Variants in LRP1B observed in about 807,000 individuals in gnomAD.
LRP1B encodes low-density lipoprotein receptor-related protein 1B.
In LRP1B, 217 loss-of-function variants were observed where a neutral mutation model predicts 556.6. That is an observed-to-expected ratio of 0.39 (90% CI 0.35 to 0.44). The LOEUF (loss-of-function observed/expected upper bound fraction) is 0.44. LRP1B is among the 20% of genes least tolerant of loss of function. The pLI, the probability that LRP1B is intolerant of heterozygous loss-of-function variation, is 1.00. For missense variants in LRP1B, 5,053 were observed against 5,620.8 expected, an observed-to-expected ratio of 0.90 and a Z score of 3.23; for synonymous variants, 2,047 against 1,865.8, an observed-to-expected ratio of 1.10 and a Z score of -2.50.
At chr2:140,629,223 C>CT (rs111850159) in intron 41 of LRP1B, among the ~76,000 whole-genome samples, 3,487 of 133,746 alleles carry the variant, frequency 0.026, 66 homozygotes, top group South Asian at 0.032. Flanking sequence ...CCAGCTAATT[C>CT]TTTTTTTTTT....
At chr2:141,742,271 A>G (rs1395781758) in intron 2 of LRP1B, among the ~76,000 whole-genome samples, 5 of 110,620 alleles carry the variant, frequency 4.5e-5, no homozygotes, top group Admixed American at 4.3e-4. Flanking sequence ...TTTTTTTTTG[A>G]GAAGGAGTCT....
At chr2:140,553,801 T>A (rs537038118) in intron 43 of LRP1B, among the ~76,000 whole-genome samples, 20 of 152,180 alleles carry the variant, frequency 1.3e-4, no homozygotes, top group African/African-American at 4.6e-4. Context: ...CTGGAGAGGT[T>A]TTCAGAAGCC....
At position 141,701,016 on chromosome 2, in the gene LRP1B, C is replaced by A. The variant is rs139753951; in HGVS notation, c.205+109263G>T. Among the ~76,000 whole-genome samples, 35 of 151,750 alleles carry A rather than the reference C, an allele frequency of 2.3e-4. 1 individual carries two copies. In the East Asian group the frequency reaches 6.4e-3, roughly 28 times the overall value. On this transcript the variant is annotated intron_variant, in intron 2 of 90. Coordinates refer to ENST00000389484, the MANE Select transcript of LRP1B (RefSeq NM_018557.3). ...TTCTCAAATTTCTTAGAATCTAATTCTCCTCTTTGTTTCCTGATTGGCATC... is the reference window on the plus strand; with the variant it reads ...TTCTCAAATTTCTTAGAATCTAATTATCCTCTTTGTTTCCTGATTGGCATC...
rs1393378745 is a variant in LRP1B at position 140,598,764 on chromosome 2, G to C, written c.7061C>G (p.Ala2354Gly). 6.2e-7 allele frequency: 1 copy of C among 1,612,790 alleles called. No individual in the cohort carries two copies. The highest frequency in any genetic ancestry group is 8.5e-7 in the Non-Finnish European group (1 of 1,178,954). ...IMRSTLTGKN[A>G]QVVVSTDILT... ...TATGTCTGTACTGACCACCACTTGA[G>C]CATTTTTCCCAGTCAGAGTAGATCT... The change falls in exon 43 of 91, where the codon GCT becomes GGT. Residue 2354 changes from alanine (A) to glycine (G), a missense_variant. Ala to Gly is a moderately conservative substitution (Grantham distance 60, BLOSUM62 0). Around this residue, in one of 5 missense-constraint regions of LRP1B, gnomAD observed 3,619 missense variants for 3,931.9 expected, o/e 0.92. Transcript: ENST00000389484.
chr2:140,378,643 TTAAG>T (rs567820401), intron 67 of LRP1B, among the ~76,000 whole-genome samples: 4 of 152,194 alleles, frequency 2.6e-5, no homozygotes, highest in Admixed American at 2.0e-4. Context: ...TGTATTTACT[TTAAG>T]TAAGTATGAC....
intron 71 of LRP1B, among the ~76,000 whole-genome samples, chr2:140,370,190 G>A (rs1294783023): frequency 1.3e-5 from 2 of 151,894 alleles, no homozygotes; most frequent in African/African-American, 2.4e-5. Flanking sequence ...CTTTTAGACT[G>A]ACAAAAAAAT....
intron 3 of LRP1B, among the ~76,000 whole-genome samples, chr2:141,360,595 G>T (rs1377771377): frequency 6.6e-6 from 1 of 152,134 alleles, no homozygotes; most frequent in Non-Finnish European, 1.5e-5. Context: ...TGTAAAGGTG[G>T]TGTAACTGAA....
At chr2:141,772,261 C>T (rs569585754) in intron 2 of LRP1B, among the ~76,000 whole-genome samples, 1 of 152,118 alleles carries the variant, frequency 6.6e-6, no homozygotes, top group Non-Finnish European at 1.5e-5. Flanking sequence ...GTTTAAGCCA[C>T]CCAACCTATG....
intron 63 of LRP1B, 22 bp from the exon 64 acceptor site, chr2:140,444,701 T>C: frequency 4.1e-6 from 6 of 1,458,866 alleles, no homozygotes; most frequent in South Asian, 1.1e-5. Context: ...AGCATAGATA[T>C]TGTGGAATGG....
intron 1 of LRP1B, among the ~76,000 whole-genome samples, chr2:141,914,211 AC>A (rs1423623348): frequency 5.3e-5 from 8 of 152,350 alleles, no homozygotes; most frequent in African/African-American, 1.9e-4. Flanking sequence ...TACTATGCAA[AC>A]CTAAATTAAT....
chr2:141,866,826 TAGA>T (rs1049978131), intron 1 of LRP1B, among the ~76,000 whole-genome samples: 12 of 136,646 alleles, frequency 8.8e-5, no homozygotes, highest in Admixed American at 3.0e-4. Flanking sequence ...GGAGAGAAAA[TAGA>T]AGGAGAGAGG....
At chr2:140,888,692 G>A (rs574471959) in intron 23 of LRP1B, among the ~76,000 whole-genome samples, 3 of 152,062 alleles carry the variant, frequency 2.0e-5, no homozygotes, top group South Asian at 4.2e-4. Context: ...GGACAGGTGC[G>A]GTGGCTCGTG....
intron 1 of LRP1B, among the ~76,000 whole-genome samples, chr2:142,015,623 C>T (rs991212895): frequency 6.6e-6 from 1 of 152,092 alleles, no homozygotes; most frequent in African/African-American, 2.4e-5. Flanking sequence ...GCAATCTACT[C>T]ATCTGACAAA....
chr2:140,318,274 T>C (rs562156444), intron 82 of LRP1B, among the ~76,000 whole-genome samples: 1 of 152,164 alleles, frequency 6.6e-6, no homozygotes, highest in Non-Finnish European at 1.5e-5. Context: ...TTTCAAGACC[T>C]ATATGTGTAA....
At chr2:141,076,766 T>C (rs1699797359) in intron 7 of LRP1B, among the ~76,000 whole-genome samples, 1 of 152,212 alleles carries the variant, frequency 6.6e-6, no homozygotes, top group African/African-American at 2.4e-5. Flanking sequence ...AACAGGGAAT[T>C]CTAAAGCACC....
intron 2 of LRP1B, among the ~76,000 whole-genome samples, chr2:141,734,352 C>A (rs888150862): frequency 3.9e-5 from 6 of 151,968 alleles, no homozygotes; most frequent in African/African-American, 1.4e-4. Flanking sequence ...TGTTCAGATT[C>A]ATGATTCTGT....
intron 10 of LRP1B, among the ~76,000 whole-genome samples, chr2:141,050,664 A>G (rs1699010136): frequency 6.6e-6 from 1 of 152,108 alleles, no homozygotes; most frequent in Non-Finnish European, 1.5e-5. Context: ...AATGTAAACC[A>G]AAACCATAAA....
At chr2:141,209,647 C>T (rs1682456269) in intron 6 of LRP1B, among the ~76,000 whole-genome samples, 1 of 152,176 alleles carries the variant, frequency 6.6e-6, no homozygotes, top group South Asian at 2.1e-4. Flanking sequence ...CCCATGAAAT[C>T]CTTTTTCCAA....
At chr2:141,264,464 T>C (rs1422044814) in intron 3 of LRP1B, among the ~76,000 whole-genome samples, 1 of 152,192 alleles carries the variant, frequency 6.6e-6, no homozygotes, top group Non-Finnish European at 1.5e-5. Context: ...TTCATTATTT[T>C]ATTTTATTGA....
Sources: allele counts gnomAD v4.1 joint callset (sites outside exome capture counted in the v4.1 genomes callset), GRCh38; gene constraint gnomAD v4.1.1; regional missense constraint gnomAD v4.1.1; transcripts MANE v1.5; gene names NCBI Gene and HGNC (gene_info 2026-07-23, HGNC 2026-07-21).